The following DUSP22 variants were observed in gnomAD, a reference collection of about 807,000 sequenced individuals.
DUSP22 encodes the protein dual specificity protein phosphatase 22.
In DUSP22, 24 loss-of-function variants were observed where a neutral mutation model predicts 24.5. The ratio of observed to expected loss-of-function variants is 0.98; its 90% CI spans 0.71 to 1.38. The LOEUF (loss-of-function observed/expected upper bound fraction) is 1.38. Among genes scored for constraint, DUSP22 ranks in the 40% most tolerant of loss-of-function variants. DUSP22 has a pLI of 0.00. For missense variants in DUSP22, 330 were observed against 269.2 expected (o/e 1.23, Z -1.58); for synonymous variants, 160 against 106.4 (o/e 1.50, Z -3.10).
intron 6 of DUSP22, 37 bp from the exon 7 acceptor site, chr6:348,730 ATG>A: frequency 1.9e-6 from 3 of 1,613,256 alleles, no homozygotes; most frequent in East Asian, 4.5e-5. Context: ...AGACGTGCAC[ATG>A]TGTGTGACGT....
chr6:300,348 T>C lies in DUSP22; in HGVS notation c.22-4280T>C, dbSNP rs573591236. 1.2e-4 allele frequency among the ~76,000 whole-genome samples: 19 copies of C among 152,418 alleles called. No homozygotes were observed. In the South Asian group the frequency reaches 2.1e-3, roughly 17 times the overall value. On this transcript the variant is annotated intron_variant, in intron 1 of 6. Transcript: ENST00000419235. ...CTGAAAGGTCTCCCTTGCCAAGGTG[T>C]AGAATTTGGGTTTCATGCTGAAAGC... is the stretch of plus-strand genomic sequence containing the variant.
chr6:350,966 T>C lies in DUSP22; in HGVS notation c.*2015T>C, dbSNP rs1760183086. 1.3e-6 allele frequency: 2 copies of C among 1,529,586 alleles called. No individual in the cohort carries two copies. Among genetic ancestry groups the C allele is most frequent in the South Asian group, 2.3e-5 (2 of 86,426 alleles). The allele number at this position is 1,529,586 out of a possible 1,614,324, so 94.8% of individuals were successfully genotyped here. ...AGAGTTTAAGTATCCAGTAGTGATT[T>C]GTAAACTTGTTTTTCATTTGAAGCT... On this transcript the variant is annotated 3_prime_UTR_variant, in exon 7 of 7. Coordinates refer to ENST00000419235, the MANE Select transcript of DUSP22 (RefSeq NM_001286555.3).
intron 3 of DUSP22, among the ~76,000 whole-genome samples, chr6:321,772 T>G (rs984637796): frequency 6.6e-6 from 1 of 152,298 alleles, no homozygotes; most frequent in African/African-American, 2.4e-5. Context: ...ACAACAGCCA[T>G]AAACTCATCA....
At chr6:296,616 A>T (rs1482728464) in intron 1 of DUSP22, among the ~76,000 whole-genome samples, 6 of 152,300 alleles carry the variant, frequency 3.9e-5, no homozygotes, top group Non-Finnish European at 8.8e-5. Context: ...CTTTTGGGGG[A>T]GAGCCTATAA....
intron 3 of DUSP22, among the ~76,000 whole-genome samples, chr6:312,391 G>A (rs759709997): frequency 1.3e-5 from 2 of 152,268 alleles, no homozygotes; most frequent in Non-Finnish European, 2.9e-5. Flanking sequence ...AAAACAGAAG[G>A]TGAATCGTCC....
chr6:312,251 A>G (rs111493113), intron 3 of DUSP22, among the ~76,000 whole-genome samples: 2,153 of 151,650 alleles, frequency 0.014, no homozygotes, highest in African/African-American at 0.049. Context: ...CCTTAAGGAC[A>G]TTTAAACCCC....
At chr6:327,472 C>T (rs920336216) in intron 3 of DUSP22, among the ~76,000 whole-genome samples, 3 of 152,304 alleles carry the variant, frequency 2.0e-5, no homozygotes, top group African/African-American at 7.2e-5. Context: ...GCATGTCCCT[C>T]CTCATGCATT....
At chr6:329,635 G>A (rs1404233168) in intron 3 of DUSP22, among the ~76,000 whole-genome samples, 1 of 152,308 alleles carries the variant, frequency 6.6e-6, no homozygotes, top group Non-Finnish European at 1.5e-5. Context: ...GTATTTTTTA[G>A]TAGAGACGGG....
At chr6:341,294 G>T (rs1032101939) in intron 4 of DUSP22, among the ~76,000 whole-genome samples, 1 of 152,310 alleles carries the variant, frequency 6.6e-6, no homozygotes, top group Non-Finnish European at 1.5e-5. Context: ...CGGAGAGCAG[G>T]AACAGGGAAC....
chr6:328,535 G>A (rs1454361755), intron 3 of DUSP22, among the ~76,000 whole-genome samples: 3 of 152,306 alleles, frequency 2.0e-5, no homozygotes, highest in Non-Finnish European at 4.4e-5. Flanking sequence ...TTGTCTCACA[G>A]TATCAAACCA....
Position 350,946 on chromosome 6 carries a change from TTAAG to T in DUSP22, c.*1998_*2001del, listed in dbSNP as rs1469192307. 1.9e-6 allele frequency: 3 copies of T among 1,581,556 alleles called. No homozygotes were observed. Among genetic ancestry groups the T allele is most frequent in the African/African-American group, 1.3e-5 (1 of 74,254 alleles). ...GCCAAAAAGAAAAGCAACATAGAGT[TTAAG>T]TATCCAGTAGTGATTTGTAAACTTG... On this transcript the variant is annotated 3_prime_UTR_variant, in exon 7 of 7. Coordinates refer to ENST00000419235, the MANE Select transcript of DUSP22 (RefSeq NM_001286555.3).
At chr6:348,430 C>T (rs910812837) in intron 6 of DUSP22, 156 bp downstream of exon 6, 115 of 1,251,518 alleles carry the variant, frequency 9.2e-5, no homozygotes, top group Admixed American at 7.7e-5. Flanking sequence ...CTTCAGAAGT[C>T]GTCACGATCC....
At chr6:329,173 T>G (rs1242555658) in intron 3 of DUSP22, among the ~76,000 whole-genome samples, 1 of 152,310 alleles carries the variant, frequency 6.6e-6, no homozygotes, top group Non-Finnish European at 1.5e-5. Context: ...GGTTCCTGAT[T>G]GCCATCTCCT....
intron 5 of DUSP22, among the ~76,000 whole-genome samples, chr6:347,499 G>A (rs1318764498): frequency 6.6e-6 from 1 of 152,300 alleles, no homozygotes; most frequent in African/African-American, 2.4e-5. Context: ...CCTGCTCCAG[G>A]TAACTGACCC....
chr6:299,262 G>A (rs1402963390), intron 1 of DUSP22, among the ~76,000 whole-genome samples: 1 of 152,304 alleles, frequency 6.6e-6, no homozygotes, highest in African/African-American at 2.4e-5. Context: ...GGTCAGCCAG[G>A]TTGTTGCAGA....
At chr6:328,339 A>G (rs1437847086) in intron 3 of DUSP22, among the ~76,000 whole-genome samples, 1 of 152,304 alleles carries the variant, frequency 6.6e-6, no homozygotes, top group Non-Finnish European at 1.5e-5. Context: ...GCCTTCCCAT[A>G]ACCCAGCCCG....
intron 4 of DUSP22, among the ~76,000 whole-genome samples, chr6:338,405 G>A (rs1456765367): frequency 1.3e-5 from 2 of 152,300 alleles, no homozygotes; most frequent in African/African-American, 4.8e-5. Flanking sequence ...GTAATCAAAT[G>A]ATTCCCCTCA....
At chr6:344,582 G>A (rs554022287) in intron 4 of DUSP22, among the ~76,000 whole-genome samples, 103 of 152,394 alleles carry the variant, frequency 6.8e-4, no homozygotes, top group Admixed American at 1.2e-3. Flanking sequence ...GTGCCACCGC[G>A]TTCAGTCCAT....
chr6:348,121 G>A lies in DUSP22; in HGVS notation c.282G>A (p.Arg94=), dbSNP rs756069610. 2 of 1,614,160 alleles carry A rather than the reference G, an allele frequency of 1.2e-6. No homozygotes were observed. Among genetic ancestry groups the A allele is most frequent in the Admixed American group, 1.7e-5 (1 of 60,018 alleles). The part of the protein sequence containing the change: ...CLVHCLAGVS[R]SVTLVIAYIM... ...CCCGCAGCCTGGCCGGGGTCTCCAG[G>A]AGCGTGACACTGGTGATCGCATACA... Residue 94 remains arginine (R), a synonymous_variant, in exon 6 of 7, where the codon AGG becomes AGA. Transcript: ENST00000419235.
Sources: gnomAD v4.1 joint callset for allele counts (sites outside exome capture counted in the v4.1 genomes callset) on GRCh38, gnomAD v4.1.1 for gene constraint, MANE v1.5 for transcripts, NCBI Gene and HGNC (gene_info 2026-07-23, HGNC 2026-07-21) for gene names.